The following PP2D1 variants were observed in gnomAD, a reference collection of about 807,000 sequenced individuals.
The protein encoded by PP2D1 is protein phosphatase 2C-like domain-containing protein 1.
A neutral mutation model predicts 30.2 loss-of-function variants in PP2D1; 25 were observed. That is an observed-to-expected ratio of 0.83 (90% CI 0.60 to 1.16). The LOEUF (loss-of-function observed/expected upper bound fraction) is 1.16, where lower values mean the gene tolerates loss of function less well. Among genes scored for constraint, PP2D1 ranks in the 50% most tolerant of loss-of-function variants. The probability of loss-of-function intolerance (pLI) is 0.00; values close to 1 mark genes in which losing one functional copy is unlikely to be tolerated. For missense variants in PP2D1, 760 were observed against 742.4 expected (o/e 1.02, Z -0.28); for synonymous variants, 260 against 258.9 (o/e 1.00, Z -0.04).
At chr3:20,011,576 A>G (rs568530621) in intron 1 of PP2D1, among the ~76,000 whole-genome samples, 1 of 152,148 alleles carries the variant, frequency 6.6e-6, no homozygotes, top group Admixed American at 6.5e-5. Context: ...AGGCGGGCCT[A>G]TCACTTGAGG....
downstream of PP2D1, among the ~76,000 whole-genome samples, chr3:19,982,417 T>G (rs1280671144): frequency 2.0e-5 from 3 of 152,230 alleles, no homozygotes; most frequent in Non-Finnish European, 4.4e-5. Context: ...CATGCAGGCA[T>G]CTAACTTGGG....
chr3:19,993,985 G>A (rs1559497585), intron 2 of PP2D1, among the ~76,000 whole-genome samples: 1 of 151,676 alleles, frequency 6.6e-6, no homozygotes, highest in Non-Finnish European at 1.5e-5. Flanking sequence ...ACCCACCTCG[G>A]CCTCCCAAAG....
intron 2 of PP2D1, among the ~76,000 whole-genome samples, chr3:19,986,721 A>G (rs1697041857): frequency 6.6e-6 from 1 of 152,190 alleles, no homozygotes. Flanking sequence ...CTAGGTTGCT[A>G]TAATGTGTAG....
intron 1 of PP2D1, among the ~76,000 whole-genome samples, chr3:20,010,016 C>T (rs1363849861): frequency 6.6e-6 from 1 of 151,870 alleles, no homozygotes; most frequent in Non-Finnish European, 1.5e-5. Flanking sequence ...ATAATAAGTC[C>T]CCATACACTC....
chr3:20,006,015 C>T (rs1224738222), intron 1 of PP2D1, among the ~76,000 whole-genome samples: 1 of 152,134 alleles, frequency 6.6e-6, no homozygotes, highest in East Asian at 1.9e-4. Flanking sequence ...GAGGCCAAGG[C>T]AGGTGGGTCA....
intron 1 of PP2D1, among the ~76,000 whole-genome samples, chr3:20,010,466 A>G (rs1697371368): frequency 6.6e-6 from 1 of 152,124 alleles, no homozygotes; most frequent in Non-Finnish European, 1.5e-5. Flanking sequence ...CAACTCACCC[A>G]TAAATACTTC....
downstream of PP2D1, chr3:19,984,117 C>A: frequency 2.4e-6 from 1 of 409,406 alleles, no homozygotes; most frequent in Non-Finnish European, 4.6e-6. Flanking sequence ...AAATGACTGT[C>A]TGGGCCCACA....
chr3:20,011,133 A>G (rs535387807), intron 1 of PP2D1, among the ~76,000 whole-genome samples: 1 of 152,310 alleles, frequency 6.6e-6, no homozygotes, highest in South Asian at 2.1e-4. Flanking sequence ...CCAAGGCAAT[A>G]TCCAAGAGAA....
downstream of PP2D1, among the ~76,000 whole-genome samples, chr3:19,980,721 A>G (rs980373676): frequency 7.9e-5 from 12 of 152,146 alleles, no homozygotes; most frequent in South Asian, 4.1e-4. Flanking sequence ...AGTGTTCAAC[A>G]TTTCTGGGGC....
chr3:19,986,703 A>T (rs1214675604), intron 2 of PP2D1, among the ~76,000 whole-genome samples: 2 of 152,198 alleles, frequency 1.3e-5, no homozygotes, highest in African/African-American at 4.8e-5. Context: ...TATTAATGTT[A>T]GTCTTAACTA....
Position 20,001,234 on chromosome 3 carries a change from G to A in PP2D1, c.886C>T (p.Leu296Phe), listed in dbSNP as rs1213565372. The A allele has an allele frequency of 6.5e-7, 1 of 1,535,982 alleles. No homozygotes were observed. The change falls in exon 2 of 3, where the codon CTT (leucine) becomes TTT (phenylalanine). Residue 296 changes from leucine (L) to phenylalanine (F), a missense_variant. Transcript: ENST00000389050. ...FAKAFWRMDR[L>F]LGLGRKEVSR... The stretch of plus-strand genomic sequence containing the variant: ...ACTTCTTTTCTTCCAAGACCTAAAA[G>A]CCTATCCATTCTCCAAAATGCTTTT...
At position 20,001,262 on chromosome 3, in the gene PP2D1, A is replaced by C. The variant is rs1697247727; in HGVS notation, c.858T>G (p.Phe286Leu). The change falls in exon 2 of 3, where the codon TTT becomes TTG. Residue 286 changes from phenylalanine (F) to leucine (L), a missense_variant. Transcript: ENST00000389050. ...TATCCATTCTCCAAAATGCTTTTGC[A>C]AAGGCTTTGTGTGTGTCCTCATACT... ...RCEYEDTHKA[F>L]AKAFWRMDRL... 6.5e-7 allele frequency: 1 copy of C among 1,535,982 alleles called. No individual in the cohort carries two copies. Among genetic ancestry groups the C allele is most frequent in the Admixed American group, 2.0e-5 (1 of 50,956 alleles).
chr3:19,998,059 G>A (rs1697204355), intron 2 of PP2D1, among the ~76,000 whole-genome samples: 1 of 152,168 alleles, frequency 6.6e-6, no homozygotes, highest in South Asian at 2.1e-4. Context: ...GCTGGGCACG[G>A]TGGCTCACGT....
chr3:19,995,466 A>G (rs1575085358), intron 2 of PP2D1, among the ~76,000 whole-genome samples: 1 of 152,278 alleles, frequency 6.6e-6, no homozygotes, highest in East Asian at 1.9e-4. Flanking sequence ...ACCCTAGAAG[A>G]GGCATGGCCC....
chr3:20,002,245 A>T, intron 1 of PP2D1, 149 bp from the exon 2 acceptor site: 1 of 619,394 alleles, frequency 1.6e-6, no homozygotes, highest in East Asian at 2.7e-5. Context: ...CTCAAAAAAC[A>T]TGTAAGTACT....
At position 20,001,830 on chromosome 3, in the gene PP2D1, C is replaced by A. The variant is rs1444566646; in HGVS notation, c.290G>T (p.Gly97Val). The change falls in exon 2 of 3, where the codon GGT (glycine) becomes GTT (valine). Residue 97 changes from glycine (G) to valine (V), a missense_variant. Gly to Val is a moderately radical substitution (Grantham distance 109, BLOSUM62 -3). Transcript: ENST00000389050. ...CACTGAGGGCTGTGGTTTCTTTCTA[C>A]CCATCCATTGGAAACCCAGCGTGGC... ...ALATLGFQWM[G>V]RKKPQPSVIA... 6 of 1,535,378 alleles carry A rather than the reference C, an allele frequency of 3.9e-6. No homozygotes were observed. In the East Asian group the frequency reaches 1.2e-4, roughly 31 times the overall value.
intron 1 of PP2D1, among the ~76,000 whole-genome samples, chr3:20,010,453 T>C (rs987872918): frequency 2.0e-5 from 3 of 152,108 alleles, no homozygotes; most frequent in African/African-American, 7.2e-5. Context: ...CTTCAAATCA[T>C]ATCAACTCAC....
At chr3:19,980,821 T>A (rs1291206090), downstream of PP2D1, among the ~76,000 whole-genome samples, 1 of 152,208 alleles carries the variant, frequency 6.6e-6, no homozygotes, top group Non-Finnish European at 1.5e-5. Context: ...AGTGGCCCAA[T>A]TGAAGGCTTT....
chr3:19,980,391 A>G (rs1696900948), downstream of PP2D1, among the ~76,000 whole-genome samples: 1 of 151,958 alleles, frequency 6.6e-6, no homozygotes, highest in African/African-American at 2.4e-5. Context: ...TTAAAAGAAA[A>G]TCTATGTTGT....
Sources: allele counts gnomAD v4.1 joint callset (sites outside exome capture counted in the v4.1 genomes callset), GRCh38; gene constraint gnomAD v4.1.1; transcripts MANE v1.5; gene names NCBI Gene and HGNC (gene_info 2026-07-23, HGNC 2026-07-21).